Variants in UBR4 observed in about 807,000 individuals in gnomAD.
The protein encoded by UBR4 is ubiquitin protein ligase E3 component n-recognin 4.
A neutral mutation model predicts 575.6 loss-of-function variants in UBR4; 124 were observed. The ratio of observed to expected loss-of-function variants is 0.22; its 90% CI spans 0.19 to 0.25. The LOEUF (loss-of-function observed/expected upper bound fraction) is 0.25, where lower values mean the gene tolerates loss of function less well. UBR4 is among the 10% of genes least tolerant of loss of function. The pLI is 1.00. For missense variants in UBR4, 4,818 were observed against 6,478.8 expected, an observed-to-expected ratio of 0.74 and a Z score of 8.80; for synonymous variants, 2,455 against 2,473.7, an observed-to-expected ratio of 0.99 and a Z score of 0.22.
At chr1:19,113,368 G>C (rs1570633316) in intron 77 of UBR4, 1 of 337,024 alleles carries the variant, frequency 3.0e-6, no homozygotes, top group Non-Finnish European at 5.5e-6. Flanking sequence ...TCAGAAGAGG[G>C]AACAGAATCT....
rs1382263430 is a variant in UBR4 at position 19,198,025 on chromosome 1, A to T, written c.673T>A (p.Ser225Thr). Residue 225 changes from serine (S) to threonine (T), a missense_variant, in exon 6 of 106, where the codon TCA (serine) becomes ACA (threonine). Physicochemically the swap from Ser to Thr is moderately conservative, Grantham distance 58. Around this residue, in one of 29 missense-constraint regions of UBR4, gnomAD observed 83 missense variants for 77.3 expected, o/e 1.07. Transcript: ENST00000375254. ...TLVEGENDEQ[S>T]STDQASAIKT... is the part of the protein sequence containing the mutation. ...ATAGCTGAGGCTTGATCTGTAGATG[A>T]CTGCTCATCATTTTCTCCTTCCACC... is the stretch of plus-strand genomic sequence containing the variant. 6.2e-7 allele frequency: 1 copy of T among 1,614,018 alleles called. No homozygotes were observed. The highest frequency in any genetic ancestry group is 1.1e-5 in the South Asian group (1 of 91,082).
At chr1:19,080,367 A>T (rs1426213123) in intron 103 of UBR4, 1 of 152,186 alleles carries the variant, frequency 6.6e-6, no homozygotes, top group Non-Finnish European at 1.5e-5. Context: ...GTGCCCACAG[A>T]CCAGCAACGC....
intron 2 of UBR4, among the ~76,000 whole-genome samples, chr1:19,201,207 A>G (rs1048379671): frequency 6.6e-6 from 1 of 152,248 alleles, no homozygotes; most frequent in Non-Finnish European, 1.5e-5. Context: ...GACAAATGTA[A>G]AAATTCAGAA....
At chr1:19,081,875 G>A in intron 102 of UBR4, 1 of 630,898 alleles carries the variant, frequency 1.6e-6, no homozygotes, top group South Asian at 1.9e-5. Context: ...ATATATCAGG[G>A]ACGTTCACAA....
chr1:19,137,881 C>A, intron 60 of UBR4, 126 bp downstream of exon 60: 1 of 1,072,756 alleles, frequency 9.3e-7, no homozygotes, highest in African/African-American at 1.6e-5. Context: ...CAGAAGTTTA[C>A]ACCTTTATAT....
chr1:19,101,553 G>A lies in UBR4; in HGVS notation c.12990C>T (p.Phe4330=), dbSNP rs950252842. Reference sequence around the variant, plus strand: ...TGATGCTGCAGAGCCTCTCGAAGATGAACACCGGGGTCCGGTAGTCATCCA... The same window carrying A: ...TGATGCTGCAGAGCCTCTCGAAGATAAACACCGGGGTCCGGTAGTCATCCA... The part of the protein sequence containing the change: ...YNLDDYRTPV[F]IFERLCSIIY... The change falls in exon 88 of 106, where the codon TTC becomes TTT. Residue 4330 remains phenylalanine (F), a synonymous_variant. Transcript: ENST00000375254. The A allele has an allele frequency of 9.3e-6, 15 of 1,613,808 alleles. No individual in the cohort carries two copies. Among genetic ancestry groups the A allele is most frequent in the Non-Finnish European group, 1.2e-5 (14 of 1,179,824 alleles).
In UBR4 at chr1:19,152,240, G is replaced by T; in HGVS notation, c.6996+73C>A. ...ATACTCTATACTTGCTTTCTAAAAG[G>T]AGATGTGTTCTCAAACCATATTGTT... On this transcript the variant is annotated intron_variant, in intron 47 of 105. Coordinates refer to ENST00000375254, the MANE Select transcript of UBR4 (RefSeq NM_020765.3). This position sits in a 1 kb window ranked among gnomAD's most constrained non-coding sequence, Gnocchi z 4.4. 3 of 1,573,354 alleles carry T rather than the reference G, an allele frequency of 1.9e-6. No individual in the cohort carries two copies. The highest frequency in any genetic ancestry group is 1.1e-5 in the South Asian group (1 of 87,226).
At chr1:19,203,369 C>T (rs2092844716) in intron 1 of UBR4, among the ~76,000 whole-genome samples, 1 of 151,970 alleles carries the variant, frequency 6.6e-6, no homozygotes. Context: ...GGTGTGGTGG[C>T]ACCCACCTGT....
intron 19 of UBR4, 90 bp downstream of exon 19, chr1:19,177,371 T>G (rs756271017): frequency 5.3e-6 from 8 of 1,516,132 alleles, no homozygotes; most frequent in Non-Finnish European, 7.2e-6. Flanking sequence ...CTAAAGTGGG[T>G]AGGTCATTTG....
chr1:19,085,126 T>C (rs2076884494), intron 101 of UBR4, among the ~76,000 whole-genome samples: 2 of 152,256 alleles, frequency 1.3e-5, no homozygotes, highest in South Asian at 4.1e-4. Flanking sequence ...GTTTTTCCTA[T>C]GTCAATACAC....
At position 19,153,272 on chromosome 1, in the gene UBR4, C is replaced by G. The variant is rs779182117; in HGVS notation, c.6832+29G>C. On this transcript the variant is annotated intron_variant, in intron 46 of 105. Coordinates refer to ENST00000375254, the MANE Select transcript of UBR4 (RefSeq NM_020765.3). The surrounding 1 kb of genome is among the most constrained non-coding windows in gnomAD (Gnocchi z 4.1). Reference sequence around the variant, plus strand: ...TCTAGAAGACCACCATTCCTACTCCCCCACAAGTCATCTGAGAAGGAGCCT... The same window carrying G: ...TCTAGAAGACCACCATTCCTACTCCGCCACAAGTCATCTGAGAAGGAGCCT... The G allele has an allele frequency of 6.2e-7, 1 of 1,612,248 alleles. No individual in the cohort carries two copies. The highest frequency in any genetic ancestry group is 2.2e-5 in the East Asian group (1 of 44,858).
At chr1:19,085,442 A>G (rs140625827) in intron 101 of UBR4, among the ~76,000 whole-genome samples, 3,065 of 152,310 alleles carry the variant, frequency 0.02, 54 homozygotes, top group Middle Eastern at 0.092. Context: ...GAATCGCTTT[A>G]ACCTGGGAGG....
At chr1:19,146,734 T>TC (rs2084925339) in intron 52 of UBR4, 92 bp downstream of exon 52, 1 of 1,472,898 alleles carries the variant, frequency 6.8e-7, no homozygotes, top group South Asian at 1.4e-5. Flanking sequence ...GAGCATGCAG[T>TC]CAGTCAGAGG....
At chr1:19,150,827 A>G in intron 48 of UBR4, 34 bp from the exon 49 acceptor site, 1 of 1,607,780 alleles carries the variant, frequency 6.2e-7, no homozygotes, top group East Asian at 2.2e-5. Flanking sequence ...TAGGAAGCAC[A>G]TTCTCTAAAA....
At chr1:19,177,262 A>G (rs949394263) in intron 19 of UBR4, among the ~76,000 whole-genome samples, 199 bp downstream of exon 19, 2 of 152,200 alleles carry the variant, frequency 1.3e-5, no homozygotes, top group African/African-American at 4.8e-5. Flanking sequence ...AAAATGCATC[A>G]AATCAAGTAA....
chr1:19,190,312 A>AAAAAAATAT, intron 11 of UBR4, among the ~76,000 whole-genome samples: 7 of 79,902 alleles, frequency 8.8e-5, no homozygotes, highest in South Asian at 4.2e-4. Flanking sequence ...AAAAAAAAAA[A>AAAAAAATAT]ATATATATAT....
chr1:19,187,488 G>A lies in UBR4; in HGVS notation c.1447C>T (p.Leu483=), dbSNP rs753788359. The change falls in exon 12 of 106, where the codon CTG becomes TTG. Residue 483 remains leucine, a synonymous_variant. Coordinates refer to ENST00000375254, the MANE Select transcript of UBR4 (RefSeq NM_020765.3). The part of the protein sequence containing the change: ...SVILANHAIK[L]LTSLFQDLQV... ...AGGTCTTGAAAGAGAGACGTTAGCA[G>A]TTTGATGGCATGGTTTGCCAATATT... 1.9e-6 allele frequency: 3 copies of A among 1,613,922 alleles called. No individual in the cohort carries two copies. In the East Asian group the frequency reaches 6.7e-5, roughly 36 times the overall value.
intron 94 of UBR4, 107 bp from the exon 95 acceptor site, chr1:19,094,246 A>G: frequency 1.3e-6 from 1 of 768,890 alleles, no homozygotes; most frequent in Non-Finnish European, 2.1e-6. Context: ...CATCAGGAAT[A>G]CCCCTAGAAG....
chr1:19,167,912 G>T, intron 28 of UBR4, 115 bp downstream of exon 28: 1 of 1,172,098 alleles, frequency 8.5e-7, no homozygotes, highest in Non-Finnish European at 1.1e-6. Context: ...GGTTCTTTTT[G>T]CTAAAGAAGT....
Sources: gnomAD v4.1 joint callset for allele counts (sites outside exome capture counted in the v4.1 genomes callset) on GRCh38, gnomAD v4.1.1 for gene constraint, gnomAD v4.1.1 regional missense constraint, Gnocchi (gnomAD v3.1) non-coding constraint, MANE v1.5 for transcripts, NCBI Gene and HGNC (gene_info 2026-07-23, HGNC 2026-07-21) for gene names.